The following LAMA3 variants were observed in gnomAD, a reference collection of about 807,000 sequenced individuals.
LAMA3 encodes laminin subunit alpha 3.
A neutral mutation model predicts 402.0 loss-of-function variants in LAMA3; 281 were observed. The ratio of observed to expected loss-of-function variants is 0.70; its 90% CI spans 0.63 to 0.77. LAMA3 has a LOEUF of 0.77. LAMA3 is among the 30% of genes least tolerant of loss of function. The pLI is 0.00. For synonymous variants in LAMA3, 1,431 were observed against 1,558.4 expected (o/e 0.92, Z 1.93); for missense variants, 3,840 against 4,215.5 (o/e 0.91, Z 2.47).
chr18:23,840,029 C>T, intron 27 of LAMA3, 100 bp downstream of exon 27: 2 of 1,274,548 alleles, frequency 1.6e-6, no homozygotes, highest in Non-Finnish European at 2.3e-6. Context: ...GATTCACAGA[C>T]CCACTACAGA....
chr18:23,933,681 T>A, intron 66 of LAMA3, 101 bp from the exon 67 acceptor site: 1 of 1,307,720 alleles, frequency 7.6e-7, no homozygotes, highest in South Asian at 1.2e-5. Flanking sequence ...CCCCTCTTCA[T>A]CCCCAAAACA....
chr18:23,845,761 C>G (rs954371494), intron 30 of LAMA3, among the ~76,000 whole-genome samples: 8 of 152,160 alleles, frequency 5.3e-5, no homozygotes, highest in African/African-American at 9.7e-5. Context: ...GCTGCTCAGC[C>G]ACTCCATAAC....
At chr18:23,939,202 T>C (rs757998538) in intron 67 of LAMA3, 21 bp from the exon 68 acceptor site, 2 of 1,612,464 alleles carry the variant, frequency 1.2e-6, no homozygotes, top group Non-Finnish European at 1.7e-6. Context: ...CTGATAATTG[T>C]GTTGCTCTTT....
intron 1 of LAMA3, among the ~76,000 whole-genome samples, chr18:23,692,835 T>A (rs1382109946): frequency 6.6e-6 from 1 of 152,158 alleles, no homozygotes; most frequent in Non-Finnish European, 1.5e-5. Context: ...ATTCTGAAGA[T>A]TACGATTAGT....
chr18:23,835,485 A>G (rs949339343), intron 24 of LAMA3, among the ~76,000 whole-genome samples: 2 of 152,162 alleles, frequency 1.3e-5, no homozygotes, highest in Non-Finnish European at 2.9e-5. Context: ...AGTGAACTGC[A>G]TGTCAGTCTG....
At chr18:23,708,589 G>A (rs577452094) in intron 1 of LAMA3, among the ~76,000 whole-genome samples, 1 of 151,992 alleles carries the variant, frequency 6.6e-6, no homozygotes, top group East Asian at 1.9e-4. Flanking sequence ...TATTATAAAT[G>A]GCATTTTCTC....
intron 29 of LAMA3, among the ~76,000 whole-genome samples, chr18:23,843,272 G>A (rs1488538684): frequency 1.3e-5 from 2 of 152,144 alleles, no homozygotes; most frequent in African/African-American, 4.8e-5. Context: ...CTGAACTCCA[G>A]TATGTGACCA....
rs115800115 is a variant in LAMA3 at position 23,714,058 on chromosome 18, T to C, written c.433T>C (p.Leu145=). Residue 145 remains leucine, a synonymous_variant, in exon 2 of 75, where the codon TTG becomes CTG. Coordinates refer to ENST00000313654, the MANE Select transcript of LAMA3 (RefSeq NM_198129.4). ...ACAGTACAACAGAGTCAACCTCACC[T>C]TGGATCTGGGGCAGGTGAGCTACAC... The part of the protein sequence containing the change: ...GTQYNRVNLT[L]DLGQLFHVAY... 1.4e-3 allele frequency: 2,301 copies of C among 1,614,022 alleles called. 22 individuals carry two copies. The African/African-American group carries it at 0.025, about 18-fold the overall frequency.
chr18:23,767,292 C>A (rs748989679), intron 8 of LAMA3, among the ~76,000 whole-genome samples: 10 of 152,324 alleles, frequency 6.6e-5, no homozygotes, highest in Non-Finnish European at 1.2e-4. Flanking sequence ...AGTGGCCATA[C>A]TGCCCAAAGC....
chr18:23,939,345 C>T lies in LAMA3; in HGVS notation c.8985C>T (p.Ser2995=). 6.2e-7 allele frequency: 1 copy of T among 1,614,220 alleles called. No individual in the cohort carries two copies. The stretch of plus-strand genomic sequence containing the variant: ...TCCAGTTTGGGGACATTCCCACCAG[C>T]CACTTGCTATTCAAGCTTCCTCAGG... ...GALQFGDIPT[S]HLLFKLPQEL... is the part of the protein sequence containing the mutation. The change falls in exon 68 of 75, where the codon AGC becomes AGT. Residue 2995 remains serine, a synonymous_variant. Transcript: ENST00000313654.
chr18:23,914,582 A>G lies in LAMA3; in HGVS notation c.7481+21A>G. 7 of 1,613,466 alleles carry G rather than the reference A, an allele frequency of 4.3e-6. No individual in the cohort carries two copies. The South Asian group carries it at 7.7e-5, about 18-fold the overall frequency. The stretch of plus-strand genomic sequence containing the variant: ...CAGAGGTACAAGTCTGATTGACTGT[A>G]CCTGTGCTCACCAAACTTCCATGTA... On this transcript the variant is annotated intron_variant, in intron 57 of 74. Coordinates refer to ENST00000313654, the MANE Select transcript of LAMA3 (RefSeq NM_198129.4).
At chr18:23,800,329 G>A (rs2062844387) in intron 12 of LAMA3, among the ~76,000 whole-genome samples, 1 of 152,164 alleles carries the variant, frequency 6.6e-6, no homozygotes, top group Admixed American at 6.5e-5. Flanking sequence ...CAATACTGTG[G>A]TATTAAGTCA....
At position 23,952,952 on chromosome 18, in the gene LAMA3, A is replaced by C. The variant is rs1000138752; in HGVS notation, c.9737-38A>C. On this transcript the variant is annotated intron_variant, in intron 73 of 74. Transcript: ENST00000313654. ...ATGGTGTAGACATTAAGCAGGGCTC[A>C]CCTCCGATGATAGACCTAACCAGCC... The C allele has an allele frequency of 7.4e-6, 12 of 1,613,272 alleles. No individual in the cohort carries two copies. In the Admixed American group the frequency reaches 1.5e-4, roughly 20 times the overall value.
chr18:23,739,160 C>T (rs910766609), intron 2 of LAMA3, among the ~76,000 whole-genome samples: 1 of 152,194 alleles, frequency 6.6e-6, no homozygotes, highest in Non-Finnish European at 1.5e-5. Context: ...AGATGCACAG[C>T]CTCTTACCTT....
At chr18:23,789,825 G>A (rs551404737) in intron 12 of LAMA3, among the ~76,000 whole-genome samples, 27 of 152,304 alleles carry the variant, frequency 1.8e-4, no homozygotes, top group African/African-American at 6.0e-4. Context: ...TATGGTATAT[G>A]AATTTTATCT....
chr18:23,834,206 C>A, intron 24 of LAMA3: 1 of 570,512 alleles, frequency 1.8e-6, no homozygotes, highest in South Asian at 1.9e-5. Flanking sequence ...TCTTAAAAAG[C>A]TGTATGCTGT....
chr18:23,908,264 C>T lies in LAMA3; in HGVS notation c.7015+329C>T, dbSNP rs575325072. Among the ~76,000 whole-genome samples the T allele has an allele frequency of 9.9e-5, 15 of 152,208 alleles. No homozygotes were observed. The South Asian group carries it at 3.1e-3, about 32-fold the overall frequency. On this transcript the variant is annotated intron_variant, in intron 54 of 74. Coordinates refer to ENST00000313654, the MANE Select transcript of LAMA3 (RefSeq NM_198129.4). Reference sequence around the variant, plus strand: ...AGGCTGTGTTTTCTGTGCGCTGTGGCTCATGCCTGTAATCCCAGCACTTTG... The same window carrying T: ...AGGCTGTGTTTTCTGTGCGCTGTGGTTCATGCCTGTAATCCCAGCACTTTG...
intron 2 of LAMA3, among the ~76,000 whole-genome samples, chr18:23,744,116 C>G (rs2061607840): frequency 6.6e-6 from 1 of 152,210 alleles, no homozygotes; most frequent in African/African-American, 2.4e-5. Context: ...CTGAACCTGG[C>G]TGTGAACATA....
intron 15 of LAMA3, among the ~76,000 whole-genome samples, 192 bp downstream of exon 15, chr18:23,814,694 C>G (rs2063142118): frequency 6.6e-6 from 1 of 152,162 alleles, no homozygotes; most frequent in Non-Finnish European, 1.5e-5. Context: ...CAAGGGATTT[C>G]TATCCTGTTT....
Sources: gnomAD v4.1 joint callset for allele counts (sites outside exome capture counted in the v4.1 genomes callset) on GRCh38, gnomAD v4.1.1 for gene constraint, MANE v1.5 for transcripts, NCBI Gene and HGNC (gene_info 2026-07-23, HGNC 2026-07-21) for gene names.